Variants in SSU72 observed in about 807,000 individuals in gnomAD.
The protein encoded by SSU72 is SSU72 homolog, RNA polymerase II CTD phosphatase, also known as RNA polymerase II subunit A C-terminal domain phosphatase SSU72.
SSU72 carries 12 observed loss-of-function variants against 22.7 expected under a neutral mutation model. That is an observed-to-expected ratio of 0.53 (90% CI 0.34 to 0.86). The LOEUF (loss-of-function observed/expected upper bound fraction) is 0.86, where lower values mean the gene tolerates loss of function less well. Among genes scored for constraint, SSU72 ranks in the 40% least tolerant of loss-of-function variants. The probability of loss-of-function intolerance (pLI) is 0.02; values close to 1 mark genes in which losing one functional copy is unlikely to be tolerated. For missense variants in SSU72, 151 were observed against 249.8 expected (o/e 0.60, Z 2.67); for synonymous variants, 116 against 98.3 (o/e 1.18, Z -1.06).
chr1:1,564,699 G>A (rs758317355), intron 2 of SSU72, 74 bp downstream of exon 2: 1 of 1,614,008 alleles, frequency 6.2e-7, no homozygotes, highest in Non-Finnish European at 8.5e-7. Flanking sequence ...CACGCCTCCT[G>A]TGCCCGAGCC....
chr1:1,570,067 T>G (rs1261735731), intron 1 of SSU72, among the ~76,000 whole-genome samples: 1 of 152,010 alleles, frequency 6.6e-6, no homozygotes, highest in East Asian at 1.9e-4. Context: ...CACACAGAGT[T>G]TCTGAGTATT....
Position 1,574,688 on chromosome 1 carries a change from G to C in SSU72, c.-131C>G, listed in dbSNP as rs1295478882. 1.1e-6 allele frequency: 1 copy of C among 882,000 alleles called. No homozygotes were observed. Among genetic ancestry groups the C allele is most frequent in the African/African-American group, 1.8e-5 (1 of 55,616 alleles). 54.6% of individuals were successfully genotyped at this position (882,000 alleles called of 1,614,324 possible). A position where few individuals can be genotyped will look rare whatever the true frequency, so the allele number is the denominator to read the frequency against. ...GAAACGACGGCGCCGGCGGTGTAGC[G>C]TGCGGCGACTGCGCGGCGGCCTCCC... is the stretch of plus-strand genomic sequence containing the variant. On this transcript the variant is annotated 5_prime_UTR_variant, in exon 1 of 5. Coordinates refer to ENST00000291386, the MANE Select transcript of SSU72 (RefSeq NM_014188.3).
chr1:1,559,173 G>A (rs1031562339), intron 2 of SSU72, among the ~76,000 whole-genome samples: 8 of 152,208 alleles, frequency 5.3e-5, no homozygotes, highest in African/African-American at 1.7e-4. Context: ...ATAGTTCCAC[G>A]CATGCTCAGC....
intron 3 of SSU72, chr1:1,544,583 A>C (rs1642368765): frequency 2.1e-6 from 1 of 468,690 alleles, no homozygotes; most frequent in African/African-American, 2.0e-5. Context: ...GTACCACTGC[A>C]CTCCAGCCTG....
At chr1:1,550,843 AC>A (rs1355063726) in intron 2 of SSU72, among the ~76,000 whole-genome samples, 1 of 152,078 alleles carries the variant, frequency 6.6e-6, no homozygotes, top group African/African-American at 2.4e-5. Context: ...ACTCCACTGA[AC>A]CATCACCCAC....
intron 2 of SSU72, among the ~76,000 whole-genome samples, chr1:1,549,629 AG>A (rs986228288): frequency 6.6e-6 from 1 of 151,472 alleles, no homozygotes; most frequent in Non-Finnish European, 1.5e-5. Context: ...ATCTGAGGTC[AG>A]GAGTTCGAGA....
Position 1,554,497 on chromosome 1 carries a change from G to A in SSU72, c.225-9495C>T, listed in dbSNP as rs554818924. On this transcript the variant is annotated intron_variant, in intron 2 of 4. Transcript: ENST00000291386. The surrounding 1 kb of genome is among the most constrained non-coding windows in gnomAD (Gnocchi z 4.1). Reference sequence around the variant, plus strand: ...AAGGTGCCAGGACATACCAGGAAACGCCCCAAACACAGCTCGGTTTTCCTT... The same window carrying A: ...AAGGTGCCAGGACATACCAGGAAACACCCCAAACACAGCTCGGTTTTCCTT... Among the ~76,000 whole-genome samples, 1 of 152,268 alleles carries A rather than the reference G, an allele frequency of 6.6e-6. No homozygotes were observed. The highest frequency in any genetic ancestry group is 2.1e-4 in the South Asian group (1 of 4,822).
At chr1:1,547,474 T>C (rs891779945) in intron 2 of SSU72, among the ~76,000 whole-genome samples, 21 of 152,218 alleles carry the variant, frequency 1.4e-4, no homozygotes, top group Non-Finnish European at 2.8e-4. Context: ...CTGGATCTCC[T>C]GGCGAGGAGA....
In SSU72 at chr1:1,574,543, C is replaced by A. The variant is rs375006468; in HGVS notation, c.15G>T (p.Pro5=). 1.9e-6 allele frequency: 3 copies of A among 1,588,822 alleles called. No individual in the cohort carries two copies. The highest frequency in any genetic ancestry group is 2.6e-6 in the Non-Finnish European group (3 of 1,170,256). ...TCGAGCACACCACCGCCACCCGCAGCGGGGACGACGGCATGGCGGCGGCCG... is the reference window on the plus strand; with the variant it reads ...TCGAGCACACCACCGCCACCCGCAGAGGGGACGACGGCATGGCGGCGGCCG... MPSS[P]LRVAVVCSSN... The change falls in exon 1 of 5, where the codon CCG becomes CCT. Residue 5 remains proline (P), a synonymous_variant. Transcript: ENST00000291386.
Position 1,542,039 on chromosome 1 carries a change from A to G in SSU72, c.*27T>C. The G allele has an allele frequency of 6.4e-7, 1 of 1,556,100 alleles. No homozygotes were observed. The highest frequency in any genetic ancestry group is 8.7e-7 in the Non-Finnish European group (1 of 1,148,386). On this transcript the variant is annotated 3_prime_UTR_variant, in exon 5 of 5. Coordinates refer to ENST00000291386, the MANE Select transcript of SSU72 (RefSeq NM_014188.3). This position sits in a 1 kb window ranked among gnomAD's most constrained non-coding sequence, Gnocchi z 4.4. The stretch of plus-strand genomic sequence containing the variant: ...AAAAGTATGAACAACAGGAAGCTCC[A>G]GAGGCGGCTCCATGCGGGCGCTGGG...
intron 2 of SSU72, among the ~76,000 whole-genome samples, chr1:1,558,403 G>A (rs1642546388): frequency 1.3e-5 from 2 of 151,864 alleles, no homozygotes; most frequent in Non-Finnish European, 1.5e-5. Context: ...AACCCCAAAC[G>A]TCATTAGAAA....
intron 1 of SSU72, among the ~76,000 whole-genome samples, chr1:1,567,912 C>CAAAAAAGAA (rs755649909): frequency 3.4e-4 from 33 of 98,360 alleles, no homozygotes; most frequent in Admixed American, 6.7e-4. Flanking sequence ...TACTCTGTTT[C>CAAAAAAGAA]AAAAAAAAAA....
At chr1:1,555,120 C>T (rs1482526419) in intron 2 of SSU72, among the ~76,000 whole-genome samples, 1 of 152,164 alleles carries the variant, frequency 6.6e-6, no homozygotes, top group Non-Finnish European at 1.5e-5. Flanking sequence ...ACGGGACACA[C>T]AGGAACACTG....
At chr1:1,564,431 C>T (rs558555791) in intron 2 of SSU72, 29 of 1,443,666 alleles carry the variant, frequency 2.0e-5, no homozygotes, top group South Asian at 1.3e-4. Flanking sequence ...AAGGAAATAA[C>T]GGGGCAGCCC....
At chr1:1,548,810 C>T (rs1458703493) in intron 2 of SSU72, among the ~76,000 whole-genome samples, 4 of 152,224 alleles carry the variant, frequency 2.6e-5, no homozygotes. Flanking sequence ...GAGTGAGATT[C>T]CCATGGGTTG....
At chr1:1,562,719 A>C (rs540796816) in intron 2 of SSU72, 5 of 152,484 alleles carry the variant, frequency 3.3e-5, no homozygotes, top group Non-Finnish European at 5.9e-5. Flanking sequence ...CCTCCTTTCC[A>C]AGGCACAGCC....
At chr1:1,568,993 G>A (rs1473847279) in intron 1 of SSU72, among the ~76,000 whole-genome samples, 1 of 152,126 alleles carries the variant, frequency 6.6e-6, no homozygotes, top group African/African-American at 2.4e-5. Context: ...CCAACATGGT[G>A]AAACCCCGTC....
At chr1:1,568,267 C>T (rs949312380) in intron 1 of SSU72, among the ~76,000 whole-genome samples, 1 of 152,166 alleles carries the variant, frequency 6.6e-6, no homozygotes, top group Non-Finnish European at 1.5e-5. Context: ...ACTAATCTTC[C>T]AGACAAGTAT....
chr1:1,553,382 TACA>T (rs1211631273), intron 2 of SSU72, among the ~76,000 whole-genome samples: 5 of 152,104 alleles, frequency 3.3e-5, no homozygotes, highest in Non-Finnish European at 7.4e-5. Context: ...AGCTTCGGAA[TACA>T]ACCTTTTAAG....
Sources: allele counts gnomAD v4.1 joint callset (sites outside exome capture counted in the v4.1 genomes callset), GRCh38; gene constraint gnomAD v4.1.1; non-coding constraint Gnocchi (gnomAD v3.1); transcripts MANE v1.5; gene names NCBI Gene and HGNC (gene_info 2026-07-23, HGNC 2026-07-21).